Variants in LPCAT1 observed in about 807,000 individuals in gnomAD.
LPCAT1 encodes the protein 1-acylglycerol-3-phosphate O-acyltransferase.
Under a neutral mutation model 60.9 loss-of-function variants are expected in LPCAT1, and 23 were observed. The ratio of observed to expected loss-of-function variants is 0.38; its 90% confidence interval spans 0.27 to 0.53. LPCAT1 has a LOEUF of 0.53. LPCAT1 is among the 20% of genes least tolerant of loss of function. The pLI is 0.82. For missense variants in LPCAT1, 622 were observed against 723.6 expected, an observed-to-expected ratio of 0.86 and a Z score of 1.61; for synonymous variants, 340 against 301.1, an observed-to-expected ratio of 1.13 and a Z score of -1.34.
rs1041679344 is a variant in LPCAT1, at chr5:1,521,290, G to C, written c.135+2420C>G. 2.0e-6 allele frequency: 2 copies of C among 980,844 alleles called. No homozygotes were observed. The highest frequency in any genetic ancestry group is 3.5e-5 in the African/African-American group (2 of 57,116). The allele number at this position is 980,844 out of a possible 1,614,324, so 60.8% of individuals were successfully genotyped here. A position where few individuals can be genotyped will look rare whatever the true frequency, so the allele number is the denominator to read the frequency against. On this transcript the variant is annotated intron_variant, in intron 1 of 13. Coordinates refer to ENST00000283415, the MANE Select transcript of LPCAT1 (RefSeq NM_024830.5). The surrounding 1 kb of genome is among the most constrained non-coding windows in gnomAD (Gnocchi z 4.3). ...TGTCCCCGCATGGCGCTAATCCGAA[G>C]ACACACAGCAGCCCCTCCCAGGCGG...
intron 1 of LPCAT1, among the ~76,000 whole-genome samples, chr5:1,506,529 G>A (rs569839863): frequency 6.6e-6 from 1 of 152,352 alleles, no homozygotes; most frequent in South Asian, 2.1e-4. Flanking sequence ...GGGTCTGGAT[G>A]GACTCTAGCC....
chr5:1,499,943 G>C (rs1382763139), intron 2 of LPCAT1, among the ~76,000 whole-genome samples: 3 of 152,254 alleles, frequency 2.0e-5, no homozygotes, highest in Non-Finnish European at 2.9e-5. Context: ...ACACCTTCCA[G>C]AGAAAGGAGG....
Position 1,477,200 on chromosome 5 carries a change from T to C in LPCAT1, c.899+204A>G, listed in dbSNP as rs2126511726. On this transcript the variant is annotated intron_variant, in intron 9 of 13. Transcript: ENST00000283415. This position sits in a 1 kb window ranked among gnomAD's most constrained non-coding sequence, Gnocchi z 6.0. Reference sequence around the variant, plus strand: ...GAACCAGTCATGCATCTTCCCAACGTCAAAGAGGGTGAAATGCCATCAGAG... The same window carrying C: ...GAACCAGTCATGCATCTTCCCAACGCCAAAGAGGGTGAAATGCCATCAGAG... 6.6e-6 allele frequency among the ~76,000 whole-genome samples: 1 copy of C among 152,180 alleles called. No homozygotes were observed. Among genetic ancestry groups the C allele is most frequent in the Non-Finnish European group, 1.5e-5 (1 of 68,006 alleles).
chr5:1,474,002 G>T lies in LPCAT1; in HGVS notation c.1134C>A (p.Val378=). The T allele has an allele frequency of 1.1e-5, 17 of 1,614,204 alleles. No individual in the cohort carries two copies. Among genetic ancestry groups the T allele is most frequent in the Non-Finnish European group, 1.4e-5 (17 of 1,180,044 alleles). Residue 378 remains valine, a synonymous_variant, in exon 11 of 14, where the codon GTC becomes GTA. Transcript: ENST00000283415. The part of the protein sequence containing the change: ...GIAEFAASLE[V]PVSDLLEDMF... ...TGTCTTCCAGCAAGTCAGAAACGGG[G>T]ACTTCCAGGGAGGCGGCAAACTCCG...
chr5:1,494,660 G>A (rs745342004), intron 3 of LPCAT1, 40 bp downstream of exon 3: 2 of 1,575,942 alleles, frequency 1.3e-6, no homozygotes, highest in African/African-American at 1.3e-5. Flanking sequence ...ACTCCCAGCA[G>A]GGCAGGGTCC....
rs1220349700 is a variant in LPCAT1, at chr5:1,483,081, G to A, written c.726+347C>T. On this transcript the variant is annotated intron_variant, in intron 6 of 13. Coordinates refer to ENST00000283415, the MANE Select transcript of LPCAT1 (RefSeq NM_024830.5). The surrounding 1 kb of genome is among the most constrained non-coding windows in gnomAD (Gnocchi z 9.2). ...GCCCTGGCCGGTGATGTGGGGTGGA[G>A]GGGTTCCCTCTCCAAAATGTCAGGT... is the stretch of plus-strand genomic sequence containing the variant. Among the ~76,000 whole-genome samples, 1 of 152,186 alleles carries A rather than the reference G, an allele frequency of 6.6e-6. No homozygotes were observed. Among genetic ancestry groups the A allele is most frequent in the East Asian group, 1.9e-4 (1 of 5,196 alleles).
Position 1,463,623 on chromosome 5 carries a change from G to T in LPCAT1, c.*28C>A. 6.2e-7 allele frequency: 1 copy of T among 1,611,072 alleles called. No individual in the cohort carries two copies. The highest frequency in any genetic ancestry group is 1.3e-5 in the African/African-American group (1 of 74,986). On this transcript the variant is annotated 3_prime_UTR_variant, in exon 14 of 14. Coordinates refer to ENST00000283415, the MANE Select transcript of LPCAT1 (RefSeq NM_024830.5). The stretch of plus-strand genomic sequence containing the variant: ...CATGGCGGTGATGTCCACGCGGGAG[G>T]GGCCGCGTCTCTCCGCAACCCTGGG...
At chr5:1,499,423 A>G (rs1276452363) in intron 2 of LPCAT1, among the ~76,000 whole-genome samples, 8 of 152,082 alleles carry the variant, frequency 5.3e-5, no homozygotes, top group Non-Finnish European at 1.2e-4. Context: ...CAGAACCCCC[A>G]CTTTCTAGCT....
intron 2 of LPCAT1, among the ~76,000 whole-genome samples, chr5:1,497,364 C>A (rs1012662906): frequency 6.6e-6 from 1 of 152,344 alleles, no homozygotes; most frequent in African/African-American, 2.4e-5. Flanking sequence ...CACGTCTAAG[C>A]GTGAGGGGCA....
In LPCAT1 at chr5:1,483,393, C is replaced by T; in HGVS notation, c.726+35G>A. The T allele has an allele frequency of 3.1e-6, 5 of 1,610,748 alleles. No individual in the cohort carries two copies. The highest frequency in any genetic ancestry group is 4.2e-6 in the Non-Finnish European group (5 of 1,177,454). ...CGCAGTTCCCGTTTCCCGGAGAATT[C>T]CCCTGGAAGCTGACCCCAAAAAAAC... On this transcript the variant is annotated intron_variant, in intron 6 of 13. Transcript: ENST00000283415. The surrounding 1 kb of genome is among the most constrained non-coding windows in gnomAD (Gnocchi z 9.2).
intron 5 of LPCAT1, among the ~76,000 whole-genome samples, chr5:1,484,676 C>A (rs897795025): frequency 6.6e-6 from 1 of 152,242 alleles, no homozygotes; most frequent in African/African-American, 2.4e-5. Flanking sequence ...TCACGGTGGC[C>A]TGAGGCCAGA....
Position 1,521,403 on chromosome 5 carries a change from C to T in LPCAT1, c.135+2307G>A. On this transcript the variant is annotated intron_variant, in intron 1 of 13. Transcript: ENST00000283415. This position sits in a 1 kb window ranked among gnomAD's most constrained non-coding sequence, Gnocchi z 4.3. Reference sequence around the variant, plus strand: ...TTCTGCGGGTTCTTGAGTGTGTCAGCCACTACTGGACCCATTTCTTTCTTT... The same window carrying T: ...TTCTGCGGGTTCTTGAGTGTGTCAGTCACTACTGGACCCATTTCTTTCTTT... The T allele has an allele frequency of 1.0e-6, 1 of 985,414 alleles. No homozygotes were observed. Among genetic ancestry groups the T allele is most frequent in the Non-Finnish European group, 1.2e-6 (1 of 829,906 alleles). 61.0% of individuals were successfully genotyped at this position (985,414 alleles called of 1,614,324 possible).
intron 3 of LPCAT1, 57 bp from the exon 4 acceptor site, chr5:1,489,915 G>T: frequency 1.6e-6 from 2 of 1,269,880 alleles, no homozygotes; most frequent in Non-Finnish European, 2.3e-6. Flanking sequence ...GCCAGGCAGG[G>T]CTGAGGAACG....
rs976647346 is a variant in LPCAT1, at chr5:1,462,515, C to T, written c.*1136G>A. On this transcript the variant is annotated 3_prime_UTR_variant, in exon 14 of 14. Coordinates refer to ENST00000283415, the MANE Select transcript of LPCAT1 (RefSeq NM_024830.5). ...GTCCGCACGGCTGTCACCAGACATC[C>T]TCATCACCCTCCGCACCGCACAGCC... 29 of 152,400 alleles carry T rather than the reference C, an allele frequency of 1.9e-4. No homozygotes were observed. Among genetic ancestry groups the T allele is most frequent in the African/African-American group, 6.3e-4 (26 of 41,556 alleles). The allele number at this position is 152,400 out of a possible 1,614,324, so 9.4% of individuals were successfully genotyped here.
chr5:1,510,011 T>C (rs1347153755), intron 1 of LPCAT1, among the ~76,000 whole-genome samples: 1 of 152,220 alleles, frequency 6.6e-6, no homozygotes, highest in Non-Finnish European at 1.5e-5. Context: ...TTACTGGGTA[T>C]TCCCATTTCT....
rs1389881645 is a variant in LPCAT1 at position 1,483,693 on chromosome 5, CA to C, written c.668-208del. Among the ~76,000 whole-genome samples the C allele has an allele frequency of 1.3e-5, 2 of 152,272 alleles. No individual in the cohort carries two copies. The highest frequency in any genetic ancestry group is 4.8e-5 in the African/African-American group (2 of 41,474). ...AGCACGGATGGGCAGGAACATCGGCCAGGGGCGCTCCCCGGCCAAGGAACAC... is the reference window on the plus strand; with the variant it reads ...AGCACGGATGGGCAGGAACATCGGCCGGGGCGCTCCCCGGCCAAGGAACAC... On this transcript the variant is annotated intron_variant, in intron 5 of 13. Coordinates refer to ENST00000283415, the MANE Select transcript of LPCAT1 (RefSeq NM_024830.5). The surrounding 1 kb of genome is among the most constrained non-coding windows in gnomAD (Gnocchi z 9.2).
intron 4 of LPCAT1, 146 bp downstream of exon 4, chr5:1,489,600 C>G (rs1735497294): frequency 4.2e-6 from 3 of 708,910 alleles, no homozygotes; most frequent in Non-Finnish European, 7.7e-6. Context: ...CACCTGACAG[C>G]ACCCTCCTGA....
intron 1 of LPCAT1, among the ~76,000 whole-genome samples, chr5:1,508,214 C>T (rs111484616): frequency 2.6e-5 from 4 of 152,318 alleles, no homozygotes; most frequent in African/African-American, 9.6e-5. Context: ...TGCACGTGAC[C>T]CCGGCCTGGC....
At chr5:1,464,831 C>A (rs975517473) in intron 13 of LPCAT1, among the ~76,000 whole-genome samples, 1 of 150,006 alleles carries the variant, frequency 6.7e-6, no homozygotes, top group Non-Finnish European at 1.5e-5. Flanking sequence ...ATCACACATG[C>A]ACGTACACAC....
Sources: gnomAD v4.1 joint callset for allele counts (sites outside exome capture counted in the v4.1 genomes callset) on GRCh38, gnomAD v4.1.1 for gene constraint, Gnocchi (gnomAD v3.1) non-coding constraint, MANE v1.5 for transcripts, NCBI Gene and HGNC (gene_info 2026-07-23, HGNC 2026-07-21) for gene names.